Variants in SASH1 observed in about 807,000 individuals in gnomAD.
The protein encoded by SASH1 is SAM and SH3 domain containing 1.
SASH1 carries 44 observed loss-of-function variants against 125.2 expected under a neutral mutation model. That is an observed-to-expected ratio of 0.35 (90% CI 0.28 to 0.45). The LOEUF (loss-of-function observed/expected upper bound fraction) is 0.45. Among genes scored for constraint, SASH1 ranks in the 20% least tolerant of loss-of-function variants. The pLI is 1.00. For synonymous variants in SASH1, 639 were observed against 649.1 expected (o/e 0.98, Z 0.24); for missense variants, 1,426 against 1,614.5 (o/e 0.88, Z 2.00).
chr6:148,396,315 C>T (rs1417200128), intron 2 of SASH1, among the ~76,000 whole-genome samples: 1 of 151,462 alleles, frequency 6.6e-6, no homozygotes, highest in Non-Finnish European at 1.5e-5. Context: ...TCCATCTCTA[C>T]CAAAAACACA....
At chr6:148,360,640 C>A (rs950973672) in intron 1 of SASH1, among the ~76,000 whole-genome samples, 1 of 127,256 alleles carries the variant, frequency 7.9e-6, no homozygotes, top group Non-Finnish European at 1.8e-5. Context: ...TGAGCCACCC[C>A]CCCGCCAGGC....
chr6:148,535,900 A>T (rs1781815194), intron 16 of SASH1, among the ~76,000 whole-genome samples: 1 of 152,208 alleles, frequency 6.6e-6, no homozygotes, highest in African/African-American at 2.4e-5. Context: ...AGAATTATAC[A>T]TTACTGAAAT....
rs576902475 is a variant in SASH1 at position 148,529,716 on chromosome 6, A to G, written c.1429-1810A>G. ...TCTGTTTTTTTAAAGCAGCCATTTC[A>G]CATAAGTTAAGGAATAAAAGAAACA... On this transcript the variant is annotated intron_variant, in intron 12 of 19. Coordinates refer to ENST00000367467, the MANE Select transcript of SASH1 (RefSeq NM_015278.5). The surrounding 1 kb of genome is among the most constrained non-coding windows in gnomAD (Gnocchi z 4.2). 1.3e-5 allele frequency among the ~76,000 whole-genome samples: 2 copies of G among 152,238 alleles called. No homozygotes were observed. The highest frequency in any genetic ancestry group is 1.3e-4 in the Admixed American group (2 of 15,288).
the SASH1 span, among the ~76,000 whole-genome samples, chr6:148,264,022 G>C: frequency 6.6e-6 from 1 of 152,084 alleles, no homozygotes; most frequent in Admixed American, 6.6e-5. Flanking sequence ...TACAAAACCA[G>C]CAAGCAAAGA....
intron 2 of SASH1, among the ~76,000 whole-genome samples, chr6:148,423,997 A>C (rs1430406253): frequency 2.0e-5 from 3 of 150,498 alleles, no homozygotes; most frequent in Non-Finnish European, 4.4e-5. Context: ...CAGAGGTCTG[A>C]CCAGTTTCTG....
At chr6:148,387,516 C>T (rs558882524) in intron 1 of SASH1, among the ~76,000 whole-genome samples, 127 of 136,190 alleles carry the variant, frequency 9.3e-4, no homozygotes, top group African/African-American at 3.5e-3. Flanking sequence ...TTTCTTTTTC[C>T]TTCTTTCTTT....
the SASH1 span, among the ~76,000 whole-genome samples, chr6:148,234,697 G>C: frequency 1.3e-5 from 2 of 152,004 alleles, no homozygotes; most frequent in Admixed American, 6.6e-5. Flanking sequence ...CGTGGTGGCA[G>C]ACACCTGTAA....
chr6:148,360,304 T>C (rs1225663545), intron 1 of SASH1, among the ~76,000 whole-genome samples: 1 of 151,978 alleles, frequency 6.6e-6, no homozygotes, highest in Admixed American at 6.6e-5. Context: ...GCTGGAATAT[T>C]CTTTGAAACT....
At chr6:148,244,959 T>TGAGAGA in the SASH1 span, among the ~76,000 whole-genome samples, 1 of 119,150 alleles carries the variant, frequency 8.4e-6, no homozygotes, top group African/African-American at 3.2e-5. Context: ...TGTGTGTGTG[T>TGAGAGA]GAGAGAGAGA....
At chr6:148,458,572 A>T (rs544157956) in intron 4 of SASH1, among the ~76,000 whole-genome samples, 1 of 152,354 alleles carries the variant, frequency 6.6e-6, no homozygotes, top group Admixed American at 6.5e-5. Flanking sequence ...ATCCAGTGGC[A>T]TAGAGCTTTA....
upstream of SASH1, chr6:148,342,489 CCG>C (rs1781357981): frequency 6.6e-6 from 1 of 152,200 alleles, no homozygotes. Flanking sequence ...GTTCTCCTGT[CCG>C]AGGCTCATTT....
chr6:148,349,086 G>A (rs1158189353), intron 1 of SASH1, among the ~76,000 whole-genome samples: 1 of 152,044 alleles, frequency 6.6e-6, no homozygotes, highest in Non-Finnish European at 1.5e-5. Flanking sequence ...CTTCCCCACA[G>A]AGCAAAGAGG....
At chr6:148,352,931 C>CT (rs1781788362) in intron 1 of SASH1, among the ~76,000 whole-genome samples, 1 of 152,110 alleles carries the variant, frequency 6.6e-6, no homozygotes, top group African/African-American at 2.4e-5. Flanking sequence ...GATTGTGCTA[C>CT]TGTACGCCAG....
At chr6:148,242,661 T>C in the SASH1 span, among the ~76,000 whole-genome samples, 1 of 152,200 alleles carries the variant, frequency 6.6e-6, no homozygotes, top group Non-Finnish European at 1.5e-5. Flanking sequence ...TCCATTGTAG[T>C]TCTTTCAAAA....
rs1158769919 is a variant in SASH1, at chr6:148,514,459, A to T, written c.862+3A>T. 4.3e-5 allele frequency: 3 copies of T among 69,334 alleles called. No homozygotes were observed. The highest frequency in any genetic ancestry group is 6.1e-5 in the Non-Finnish European group (3 of 49,374). 4.3% of individuals were successfully genotyped at this position (69,334 alleles called of 1,614,324 possible). On this transcript the variant is annotated splice_donor_region_variant and intron_variant, in intron 9 of 19. Coordinates refer to ENST00000367467, the MANE Select transcript of SASH1 (RefSeq NM_015278.5). ...AATGAAAAAACCCAGCACTGAAGGTAAAAAAAAAAAAAAAAAAAAAAAAAA... is the reference window on the plus strand; with the variant it reads ...AATGAAAAAACCCAGCACTGAAGGTTAAAAAAAAAAAAAAAAAAAAAAAAA...
At chr6:148,383,993 G>A (rs945052222) in intron 1 of SASH1, among the ~76,000 whole-genome samples, 4 of 152,134 alleles carry the variant, frequency 2.6e-5, no homozygotes, top group Non-Finnish European at 5.9e-5. Flanking sequence ...ATACAAGTTT[G>A]TTGTCCGTTG....
intron 8 of SASH1, chr6:148,508,443 T>C: frequency 3.0e-6 from 3 of 997,688 alleles, no homozygotes; most frequent in Non-Finnish European, 3.6e-6. Context: ...TCTCTGGAAT[T>C]CCATAGACAG....
At chr6:148,508,101 T>C (rs1426093247) in intron 8 of SASH1, among the ~76,000 whole-genome samples, 3 of 152,104 alleles carry the variant, frequency 2.0e-5, no homozygotes, top group African/African-American at 4.8e-5. Flanking sequence ...TGCTCTGAAA[T>C]GGGCATTAAA....
the SASH1 span, among the ~76,000 whole-genome samples, chr6:148,255,895 G>A: frequency 6.6e-6 from 1 of 152,106 alleles, no homozygotes; most frequent in African/African-American, 2.4e-5. Flanking sequence ...ACCCGCCTCG[G>A]CCTCCCAAAG....
Sources: allele counts gnomAD v4.1 joint callset (sites outside exome capture counted in the v4.1 genomes callset), GRCh38; gene constraint gnomAD v4.1.1; non-coding constraint Gnocchi (gnomAD v3.1); transcripts MANE v1.5; gene names NCBI Gene and HGNC (gene_info 2026-07-23, HGNC 2026-07-21).